The following PIK3C2G variants were observed in gnomAD, a reference collection of about 807,000 sequenced individuals.
The protein encoded by PIK3C2G is phosphatidylinositol 3-kinase C2 domain-containing subunit gamma.
PIK3C2G carries 168 observed loss-of-function variants against 181.1 expected under a neutral mutation model. The ratio of observed to expected loss-of-function variants is 0.93; its 90% CI spans 0.82 to 1.05. The LOEUF (loss-of-function observed/expected upper bound fraction) is 1.05, where lower values mean the gene tolerates loss of function less well. Ranked by LOEUF, PIK3C2G falls within the 50% of genes least tolerant of loss-of-function variation. The probability of loss-of-function intolerance (pLI) is 0.00; values close to 1 mark genes in which losing one functional copy is unlikely to be tolerated. For synonymous variants in PIK3C2G, 573 were observed against 592.2 expected, an observed-to-expected ratio of 0.97 and a Z score of 0.47; for missense variants, 1,869 against 1,732.8, an observed-to-expected ratio of 1.08 and a Z score of -1.40.
intron 24 of PIK3C2G, among the ~76,000 whole-genome samples, chr12:18,515,435 A>T (rs990292231): frequency 6.6e-6 from 1 of 151,854 alleles, no homozygotes; most frequent in African/African-American, 2.4e-5. Flanking sequence ...CTATTTCTTC[A>T]TGATTTAATC....
intron 18 of PIK3C2G, among the ~76,000 whole-genome samples, chr12:18,430,297 G>C (rs539658671): frequency 3.4e-4 from 51 of 152,216 alleles, no homozygotes; most frequent in African/African-American, 1.1e-3. Flanking sequence ...AACTCCAAGA[G>C]AGAACCAATT....
At chr12:18,313,146 A>T (rs1055924291) in intron 5 of PIK3C2G, among the ~76,000 whole-genome samples, 1 of 152,192 alleles carries the variant, frequency 6.6e-6, no homozygotes, top group Non-Finnish European at 1.5e-5. Flanking sequence ...TTAAAGCTGT[A>T]AAGGGACTTA....
chr12:18,544,570 G>A (rs1183012888), intron 25 of PIK3C2G, among the ~76,000 whole-genome samples: 1 of 151,728 alleles, frequency 6.6e-6, no homozygotes, highest in Non-Finnish European at 1.5e-5. Flanking sequence ...ATAGAATGAA[G>A]TAATTGATTA....
intron 24 of PIK3C2G, among the ~76,000 whole-genome samples, chr12:18,516,636 A>G (rs1224457499): frequency 2.0e-5 from 3 of 152,024 alleles, no homozygotes; most frequent in African/African-American, 7.2e-5. Flanking sequence ...GTGGCCCATA[A>G]TTCCCATAGG....
At chr12:18,535,074 T>C (rs1401967545) in intron 24 of PIK3C2G, among the ~76,000 whole-genome samples, 1 of 152,140 alleles carries the variant, frequency 6.6e-6, no homozygotes, top group African/African-American at 2.4e-5. Context: ...CTCAGATTTA[T>C]AAGTAATGCT....
At chr12:18,458,378 T>A (rs1947740375) in intron 18 of PIK3C2G, among the ~76,000 whole-genome samples, 3 of 152,146 alleles carry the variant, frequency 2.0e-5, no homozygotes, top group Non-Finnish European at 4.4e-5. Context: ...GAAGAAAAAG[T>A]AGATTGCATG....
chr12:18,636,302 G>A (rs886632361), intron 31 of PIK3C2G, among the ~76,000 whole-genome samples: 12 of 152,056 alleles, frequency 7.9e-5, no homozygotes, highest in African/African-American at 1.7e-4. Flanking sequence ...GCACGATCTC[G>A]GCTCACCGCA....
chr12:18,503,382 A>T lies in PIK3C2G; in HGVS notation c.3118A>T (p.Ser1040Cys), dbSNP rs1271068536. The change falls in exon 23 of 33, where the codon AGT (serine) becomes TGT (cysteine). Residue 1040 changes from serine to cysteine, a missense_variant. Transcript: ENST00000538779. ...AGAAAATACAATTAAAAAGTGGTTC[A>T]GTCAGCACAACCACTTAAAGGCAGA... ...LKENTIKKWF[S>C]QHNHLKADYE... is the part of the protein sequence containing the mutation. 2.5e-6 allele frequency: 4 copies of T among 1,610,918 alleles called. No individual in the cohort carries two copies. The highest frequency in any genetic ancestry group is 1.3e-5 in the African/African-American group (1 of 74,838).
intron 11 of PIK3C2G, among the ~76,000 whole-genome samples, chr12:18,356,927 C>G (rs767016723): frequency 1.3e-5 from 2 of 152,100 alleles, no homozygotes; most frequent in East Asian, 1.9e-4. Flanking sequence ...CAGGAAGACA[C>G]GTCCTCACTT....
At chr12:18,707,414 T>A in the PIK3C2G span, among the ~76,000 whole-genome samples, 1 of 152,152 alleles carries the variant, frequency 6.6e-6, no homozygotes, top group Admixed American at 6.5e-5. Flanking sequence ...GTCACTGACA[T>A]CATTTCTCTT....
intron 26 of PIK3C2G, among the ~76,000 whole-genome samples, chr12:18,560,096 G>A (rs531454127): frequency 2.6e-5 from 4 of 151,508 alleles, no homozygotes; most frequent in Admixed American, 2.6e-4. Context: ...CTCCCAAAGT[G>A]CTGGGATTAC....
chr12:18,644,534 A>G (rs555045875), intron 32 of PIK3C2G, among the ~76,000 whole-genome samples: 48 of 152,358 alleles, frequency 3.2e-4, no homozygotes, highest in Middle Eastern at 6.8e-3. Flanking sequence ...TATGCATTTT[A>G]CATCCCTTAA....
At chr12:18,265,346 G>A (rs1013458791) in intron 1 of PIK3C2G, among the ~76,000 whole-genome samples, 1 of 152,226 alleles carries the variant, frequency 6.6e-6, no homozygotes, top group Admixed American at 6.5e-5. Context: ...AAATGTTTTT[G>A]TATGATTTAT....
chr12:18,484,388 G>T (rs547883148), intron 18 of PIK3C2G, among the ~76,000 whole-genome samples: 1 of 152,204 alleles, frequency 6.6e-6, no homozygotes, highest in Non-Finnish European at 1.5e-5. Flanking sequence ...TGCCTTATAG[G>T]CTCCTCTCAT....
At chr12:18,670,066 T>C in the PIK3C2G span, among the ~76,000 whole-genome samples, 1 of 152,040 alleles carries the variant, frequency 6.6e-6, no homozygotes, top group African/African-American at 2.4e-5. Flanking sequence ...TACCTCCTAA[T>C]ACCACCCCAT....
the PIK3C2G span, among the ~76,000 whole-genome samples, chr12:18,687,617 C>T: frequency 6.6e-6 from 1 of 152,026 alleles, no homozygotes; most frequent in East Asian, 1.9e-4. Flanking sequence ...CTGAATTATC[C>T]AAAAATTCTA....
At chr12:18,683,840 T>C in the PIK3C2G span, among the ~76,000 whole-genome samples, 1 of 151,946 alleles carries the variant, frequency 6.6e-6, no homozygotes, top group Admixed American at 6.6e-5. Flanking sequence ...TTCTTTATGG[T>C]AGTCATGACT....
At chr12:18,703,641 T>C in the PIK3C2G span, among the ~76,000 whole-genome samples, 1 of 152,162 alleles carries the variant, frequency 6.6e-6, no homozygotes, top group Non-Finnish European at 1.5e-5. Flanking sequence ...CCGTAGCCAA[T>C]CAAATCTTAA....
At chr12:18,711,032 A>G in the PIK3C2G span, among the ~76,000 whole-genome samples, 20 of 152,156 alleles carry the variant, frequency 1.3e-4, no homozygotes, top group Non-Finnish European at 2.2e-4. Flanking sequence ...TCCCATTACT[A>G]GGTATATACC....
Sources: gnomAD v4.1 joint callset for allele counts (sites outside exome capture counted in the v4.1 genomes callset) on GRCh38, gnomAD v4.1.1 for gene constraint, MANE v1.5 for transcripts, NCBI Gene and HGNC (gene_info 2026-07-23, HGNC 2026-07-21) for gene names.